The following DRC11 variants were observed in gnomAD, a reference collection of about 807,000 sequenced individuals.
DRC11 encodes IQ and AAA domain-containing protein 1.
the DRC11 span, among the ~76,000 whole-genome samples, chr2:236,393,226 A>G: frequency 6.6e-6 from 1 of 152,184 alleles, no homozygotes; most frequent in Non-Finnish European, 1.5e-5. This position sits in a 1 kb window ranked among gnomAD's most constrained non-coding sequence, Gnocchi z 4.7. Flanking sequence ...TGGCCACTTC[A>G]CTGGGAGCTG....
At chr2:236,487,946 T>C in the DRC11 span, 4 of 1,245,292 alleles carry the variant, frequency 3.2e-6, no homozygotes, top group Middle Eastern at 5.3e-4. Context: ...TTGAGATGTA[T>C]CTTTAGTGTA....
chr2:236,493,797 CTAA>C, the DRC11 span: 1 of 1,606,276 alleles, frequency 6.2e-7, no homozygotes, highest in Non-Finnish European at 8.5e-7. Context: ...CCGCTGTCCG[CTAA>C]TATTTGAGCA....
chr2:236,361,714 G>A, the DRC11 span, among the ~76,000 whole-genome samples: 1 of 152,104 alleles, frequency 6.6e-6, no homozygotes, highest in African/African-American at 2.4e-5. This position sits in a 1 kb window ranked among gnomAD's most constrained non-coding sequence, Gnocchi z 5.7. Context: ...AAAGAGGAAT[G>A]AAACAAATGG....
the DRC11 span, chr2:236,493,974 C>A: frequency 2.7e-6 from 3 of 1,116,802 alleles, no homozygotes; most frequent in African/African-American, 1.7e-5. Context: ...AGGACGTGCA[C>A]ATCAAAGACG....
the DRC11 span, among the ~76,000 whole-genome samples, chr2:236,471,945 T>G: frequency 6.6e-6 from 1 of 151,906 alleles, no homozygotes; most frequent in African/African-American, 2.4e-5. This position sits in a 1 kb window ranked among gnomAD's most constrained non-coding sequence, Gnocchi z 4.6. Flanking sequence ...AACAGGAGGG[T>G]AAGGAAGAGA....
the DRC11 span, chr2:236,324,471 C>T: frequency 4.5e-6 from 2 of 443,596 alleles, no homozygotes; most frequent in Non-Finnish European, 8.2e-6. This position sits in a 1 kb window ranked among gnomAD's most constrained non-coding sequence, Gnocchi z 5.7. Context: ...AGCTAGGTGT[C>T]CAGCCTGGGA....
At chr2:236,398,751 A>G in the DRC11 span, among the ~76,000 whole-genome samples, 1 of 152,210 alleles carries the variant, frequency 6.6e-6, no homozygotes, top group African/African-American at 2.4e-5. The surrounding 1 kb of genome is among the most constrained non-coding windows in gnomAD (Gnocchi z 6.2). Flanking sequence ...TGACAGAAAA[A>G]TCGTGTGTCA....
chr2:236,377,262 G>A, the DRC11 span: 19 of 841,174 alleles, frequency 2.3e-5, no homozygotes, highest in Admixed American at 2.2e-4. This position sits in a 1 kb window ranked among gnomAD's most constrained non-coding sequence, Gnocchi z 4.9. Context: ...GATCACATAC[G>A]CGGAGAACTT....
At chr2:236,495,728 AC>A in the DRC11 span, among the ~76,000 whole-genome samples, 1 of 152,158 alleles carries the variant, frequency 6.6e-6, no homozygotes, top group Non-Finnish European at 1.5e-5. The surrounding 1 kb of genome is among the most constrained non-coding windows in gnomAD (Gnocchi z 5.6). Context: ...CCTTCAGCCC[AC>A]CCCAACCAAC....
chr2:236,382,169 T>G, the DRC11 span, among the ~76,000 whole-genome samples: 1 of 152,228 alleles, frequency 6.6e-6, no homozygotes, highest in Non-Finnish European at 1.5e-5. Flanking sequence ...CTTATGGATC[T>G]CCAGTTACTC....
At chr2:236,343,631 C>T in the DRC11 span, 19 of 955,388 alleles carry the variant, frequency 2.0e-5, no homozygotes, top group Middle Eastern at 5.0e-4. This position sits in a 1 kb window ranked among gnomAD's most constrained non-coding sequence, Gnocchi z 6.6. Context: ...AGACGAAACA[C>T]TGCCCTGCAT....
At chr2:236,383,734 T>C in the DRC11 span, among the ~76,000 whole-genome samples, 1 of 152,030 alleles carries the variant, frequency 6.6e-6, no homozygotes, top group Non-Finnish European at 1.5e-5. Flanking sequence ...TACATATGTA[T>C]ACATGTGCCA....
chr2:236,348,321 C>T, the DRC11 span, among the ~76,000 whole-genome samples: 615 of 152,200 alleles, frequency 4.0e-3, 2 homozygotes, highest in Non-Finnish European at 6.3e-3. The surrounding 1 kb of genome is among the most constrained non-coding windows in gnomAD (Gnocchi z 7.4). Flanking sequence ...AAATGGAGCT[C>T]GACGCTGTAC....
At chr2:236,449,163 G>A in the DRC11 span, among the ~76,000 whole-genome samples, 2 of 152,164 alleles carry the variant, frequency 1.3e-5, no homozygotes, top group African/African-American at 2.4e-5. This position sits in a 1 kb window ranked among gnomAD's most constrained non-coding sequence, Gnocchi z 5.1. Flanking sequence ...CCCACTGGGT[G>A]CTGTTATTAA....
At chr2:236,374,453 T>C in the DRC11 span, among the ~76,000 whole-genome samples, 4 of 152,194 alleles carry the variant, frequency 2.6e-5, no homozygotes, top group African/African-American at 4.8e-5. Context: ...TGAATTGCTA[T>C]AAAGAAATAC....
the DRC11 span, among the ~76,000 whole-genome samples, chr2:236,384,053 C>A: frequency 2.0e-5 from 3 of 152,240 alleles, no homozygotes; most frequent in Non-Finnish European, 2.9e-5. Flanking sequence ...TTTTCTTAAT[C>A]CAATCTATCA....
the DRC11 span, among the ~76,000 whole-genome samples, chr2:236,404,453 C>T: frequency 5.3e-5 from 8 of 152,204 alleles, no homozygotes; most frequent in South Asian, 2.1e-4. Context: ...GCCTTCCTGA[C>T]TCCTATCCCC....
chr2:236,341,029 G>T, the DRC11 span, among the ~76,000 whole-genome samples: 1 of 152,068 alleles, frequency 6.6e-6, no homozygotes, highest in South Asian at 2.1e-4. Context: ...CTCCAAAACC[G>T]CCGCCCCTAC....
At chr2:236,368,343 C>G in the DRC11 span, 2 of 1,228,224 alleles carry the variant, frequency 1.6e-6, no homozygotes, top group Non-Finnish European at 2.3e-6. Flanking sequence ...TGGAAAACAG[C>G]GCTGGTCTGA....
Sources: allele counts gnomAD v4.1 joint callset (sites outside exome capture counted in the v4.1 genomes callset), GRCh38; gene constraint gnomAD v4.1.1; non-coding constraint Gnocchi (gnomAD v3.1); transcripts MANE v1.5; gene names NCBI Gene and HGNC (gene_info 2026-07-23, HGNC 2026-07-21).